Variants in PLEKHA7 observed in about 807,000 individuals in gnomAD.
The protein encoded by PLEKHA7 is pleckstrin homology domain containing A7.
Under a neutral mutation model 170.0 loss-of-function variants are expected in PLEKHA7, and 104 were observed. The observed-to-expected ratio is 0.61, with a 90% CI of 0.52 to 0.72. The LOEUF (loss-of-function observed/expected upper bound fraction) is 0.72. Ranked by LOEUF, PLEKHA7 falls within the 30% of genes least tolerant of loss-of-function variation. The probability of loss-of-function intolerance (pLI) is 0.00; values close to 1 mark genes in which losing one functional copy is unlikely to be tolerated. For missense variants in PLEKHA7, 1,615 were observed against 1,671.7 expected (o/e 0.97, Z 0.59); for synonymous variants, 648 against 660.8 (o/e 0.98, Z 0.30).
intron 16 of PLEKHA7, among the ~76,000 whole-genome samples, 156 bp downstream of exon 16, chr11:16,801,512 T>C (rs216488): frequency 0.63 from 95,285 of 151,940 alleles, 30,296 homozygotes; most frequent in South Asian, 0.69. Flanking sequence ...CAGACAAGGT[T>C]ATCTACTGTC....
At chr11:16,806,104 A>G (rs576379656) in intron 13 of PLEKHA7, among the ~76,000 whole-genome samples, 234 of 152,320 alleles carry the variant, frequency 1.5e-3, no homozygotes, top group Non-Finnish European at 2.6e-3. Flanking sequence ...GCCAGGGCCT[A>G]GCATATTGAA....
chr11:16,783,706 C>T lies in PLEKHA7; in HGVS notation c.3644G>A (p.Arg1215Gln), dbSNP rs562329922. 1.7e-5 allele frequency: 25 copies of T among 1,452,026 alleles called. No homozygotes were observed. In the South Asian group the frequency reaches 2.0e-4, roughly 11 times the overall value. 89.9% of individuals were successfully genotyped at this position (1,452,026 alleles called of 1,614,324 possible). ...KAEKIRNILA[R>Q]SSMCNLQPTS... ...TGAGCAAGCGAGGGCTGACCTTGAC[C>T]GGGCGAGGATGTTGCGGATCTTCTC... The change falls in exon 25 of 27, where the codon CGG (arginine) becomes CAG (glutamine). Residue 1215 changes from arginine (R) to glutamine (Q), a missense_variant. Transcript: ENST00000531066.
rs779809550 is a variant in PLEKHA7 at position 16,801,773 on chromosome 11, C to A, written c.2202G>T (p.Glu734Asp). 6 of 1,614,192 alleles carry A rather than the reference C, an allele frequency of 3.7e-6. No individual in the cohort carries two copies. Among genetic ancestry groups the A allele is most frequent in the South Asian group, 1.1e-5 (1 of 91,084 alleles). The change falls in exon 16 of 27, where the codon GAG (glutamate) becomes GAT (aspartate). Residue 734 changes from glutamate (E) to aspartate (D), a missense_variant. Physicochemically the swap from Glu to Asp is conservative, Grantham distance 45 (BLOSUM62 2). Transcript: ENST00000531066. ...SVLEVLHRQM[E>D]QYRDQPQHLE... ...AGTGCTGGGGCTGGTCTCGGTACTGCTCCATCTGTCTGTGCAACACCTCCA... is the reference window on the plus strand; with the variant it reads ...AGTGCTGGGGCTGGTCTCGGTACTGATCCATCTGTCTGTGCAACACCTCCA...
At chr11:16,865,337 G>A (rs1854297080) in intron 4 of PLEKHA7, among the ~76,000 whole-genome samples, 2 of 152,190 alleles carry the variant, frequency 1.3e-5, no homozygotes, top group Non-Finnish European at 2.9e-5. Flanking sequence ...TCCCCTGGGG[G>A]AACAAGGCTA....
chr11:16,788,862 C>T, intron 23 of PLEKHA7: 2 of 595,050 alleles, frequency 3.4e-6, no homozygotes, highest in South Asian at 2.2e-5. Flanking sequence ...CTGGGTATTT[C>T]CTCAGGCTCC....
At chr11:16,825,918 T>C (rs1027174238) in intron 10 of PLEKHA7, among the ~76,000 whole-genome samples, 3 of 152,200 alleles carry the variant, frequency 2.0e-5, no homozygotes, top group Non-Finnish European at 4.4e-5. Context: ...GTGGGCAGGT[T>C]CCTTCACTTC....
chr11:17,008,044 C>T (rs961666566), intron 3 of PLEKHA7, among the ~76,000 whole-genome samples: 1 of 152,132 alleles, frequency 6.6e-6, no homozygotes, highest in Non-Finnish European at 1.5e-5. Flanking sequence ...CCAGTCCTGC[C>T]CCTAGGACCT....
Position 16,791,065 on chromosome 11 carries a change from T to C in PLEKHA7, c.2880A>G (p.Ser960=), listed in dbSNP as rs1158355315. ...GCTCCCGGTCTCGCTTCCTCTCGTC[T>C]GACTGCCGCTTGAGGCCCCGCACAG... is the stretch of plus-strand genomic sequence containing the variant. The part of the protein sequence containing the change: ...HTSVRGLKRQ[S]DERKRDRELG... Residue 960 remains serine, a synonymous_variant, in exon 20 of 27, where the codon TCA becomes TCG. Transcript: ENST00000531066. The surrounding 1 kb of genome is among the most constrained non-coding windows in gnomAD (Gnocchi z 4.5). 1 of 1,614,054 alleles carries C rather than the reference T, an allele frequency of 6.2e-7. No individual in the cohort carries two copies. Among genetic ancestry groups the C allele is most frequent in the Non-Finnish European group, 8.5e-7 (1 of 1,180,052 alleles).
intron 3 of PLEKHA7, among the ~76,000 whole-genome samples, chr11:16,992,689 G>T (rs1049660639): frequency 8.6e-5 from 13 of 151,670 alleles, no homozygotes; most frequent in African/African-American, 2.9e-4. Context: ...CCAGGAGGCG[G>T]AGGTTGTGGT....
At chr11:16,803,160 A>C in intron 14 of PLEKHA7, 67 bp downstream of exon 14, 3 of 1,569,362 alleles carry the variant, frequency 1.9e-6, no homozygotes, top group Non-Finnish European at 2.6e-6. Flanking sequence ...GCCCTGCCTG[A>C]AGCTGTTCAC....
At chr11:17,013,856 T>G in intron 3 of PLEKHA7, 133 bp downstream of exon 3, 1 of 1,081,954 alleles carries the variant, frequency 9.2e-7, no homozygotes, top group Non-Finnish European at 1.2e-6. Context: ...AAACGTTGAG[T>G]GTGGCCGCGG....
intron 3 of PLEKHA7, among the ~76,000 whole-genome samples, chr11:16,898,759 T>C (rs1857147308): frequency 6.6e-6 from 1 of 152,188 alleles, no homozygotes; most frequent in Admixed American, 6.5e-5. Flanking sequence ...TCACGTGGAC[T>C]AGTCCAACAC....
chr11:16,889,979 A>T (rs970989092), intron 3 of PLEKHA7, among the ~76,000 whole-genome samples: 2 of 152,136 alleles, frequency 1.3e-5, no homozygotes, highest in Non-Finnish European at 2.9e-5. Flanking sequence ...ACAAACCAGA[A>T]AAGTTTGGGG....
intron 3 of PLEKHA7, among the ~76,000 whole-genome samples, chr11:16,890,179 T>C (rs944703579): frequency 1.3e-5 from 2 of 152,162 alleles, no homozygotes; most frequent in Non-Finnish European, 2.9e-5. Flanking sequence ...AAAAGGGCAA[T>C]ATTCATCATC....
intron 9 of PLEKHA7, among the ~76,000 whole-genome samples, chr11:16,837,466 A>G (rs1851606379): frequency 6.6e-6 from 1 of 152,210 alleles, no homozygotes; most frequent in Admixed American, 6.5e-5. Context: ...GGACACTAGA[A>G]GAAACCCATT....
chr11:16,846,055 C>T (rs898763032), intron 8 of PLEKHA7, among the ~76,000 whole-genome samples: 2 of 151,990 alleles, frequency 1.3e-5, no homozygotes, highest in Admixed American at 6.6e-5. Context: ...GAGGCCGAGG[C>T]GGGTGGGTCA....
chr11:16,782,790 C>T lies in PLEKHA7; in HGVS notation c.3757G>A (p.Ala1253Thr), dbSNP rs1380495762. 1.3e-6 allele frequency: 2 copies of T among 1,536,172 alleles called. No homozygotes were observed. Among genetic ancestry groups the T allele is most frequent in the Admixed American group, 3.9e-5 (2 of 51,012 alleles). ...TTGCTACGCTGGGAGGCCTCGGAGG[C>T]CAGGGCGTAGGAGATGTTGATGATG... ...ERIINISYAL[A>T]SEASQRSKQV... Residue 1253 changes from alanine to threonine, a missense_variant, in exon 26 of 27, where the codon GCC becomes ACC. Ala to Thr is a moderately conservative substitution (Grantham distance 58). Coordinates refer to ENST00000531066, the MANE Select transcript of PLEKHA7 (RefSeq NM_001329630.2).
At chr11:16,951,185 C>T (rs1861382533) in intron 3 of PLEKHA7, among the ~76,000 whole-genome samples, 1 of 152,176 alleles carries the variant, frequency 6.6e-6, no homozygotes, top group Non-Finnish European at 1.5e-5. Context: ...GTATCTTACC[C>T]AGTGTTACAC....
chr11:16,900,085 T>C (rs146349448), intron 3 of PLEKHA7, among the ~76,000 whole-genome samples: 3 of 152,280 alleles, frequency 2.0e-5, no homozygotes, highest in African/African-American at 7.2e-5. Flanking sequence ...CAAATGCACA[T>C]AGTTAATGGG....
Sources: allele counts gnomAD v4.1 joint callset (sites outside exome capture counted in the v4.1 genomes callset), GRCh38; gene constraint gnomAD v4.1.1; non-coding constraint Gnocchi (gnomAD v3.1); transcripts MANE v1.5; gene names NCBI Gene and HGNC (gene_info 2026-07-23, HGNC 2026-07-21).